GSG1L: variants seen among roughly 807,000 people sequenced by gnomAD.
GSG1L encodes the protein germ cell-specific gene 1-like protein.
Under a neutral mutation model 42.1 loss-of-function variants are expected in GSG1L, and 24 were observed. The observed-to-expected ratio is 0.57, with a 90% CI of 0.41 to 0.80. The LOEUF is 0.80. Among genes scored for constraint, GSG1L ranks in the 30% least tolerant of loss-of-function variants. The probability of loss-of-function intolerance (pLI) is 0.00; values close to 1 mark genes in which losing one functional copy is unlikely to be tolerated. For synonymous variants in GSG1L, 215 were observed against 203.5 expected, an observed-to-expected ratio of 1.06 and a Z score of -0.48; for missense variants, 445 against 472.2, an observed-to-expected ratio of 0.94 and a Z score of 0.53.
intron 2 of GSG1L, among the ~76,000 whole-genome samples, chr16:27,905,596 G>A (rs2084311631): frequency 6.6e-6 from 1 of 152,156 alleles, no homozygotes. Flanking sequence ...TTACAGACAT[G>A]AGCCAGCACC....
intron 2 of GSG1L, among the ~76,000 whole-genome samples, chr16:27,948,680 G>T (rs1224009154): frequency 1.3e-5 from 2 of 149,806 alleles, no homozygotes; most frequent in Non-Finnish European, 3.0e-5. Context: ...CTCAATCTTG[G>T]CTCATTGCAA....
chr16:27,936,396 T>C (rs2084718619), intron 2 of GSG1L, among the ~76,000 whole-genome samples: 1 of 152,166 alleles, frequency 6.6e-6, no homozygotes, highest in East Asian at 1.9e-4. Context: ...AGGGTGGAAG[T>C]GAGTTCTCAC....
rs557127459 is a variant in GSG1L at position 27,810,493 on chromosome 16, T to G, written c.831-2939A>C. ...TCAAAAAGTAAAAAAGATCAGGCAT[T>G]GAATAACACTACACAAGGACTGTCT... On this transcript the variant is annotated intron_variant, in intron 5 of 6. Transcript: ENST00000447459. Among the ~76,000 whole-genome samples the G allele has an allele frequency of 3.2e-4, 48 of 152,064 alleles. No individual in the cohort carries two copies. The South Asian group carries it at 9.6e-3, about 30-fold the overall frequency.
intron 2 of GSG1L, among the ~76,000 whole-genome samples, chr16:27,927,057 G>A (rs139311805): frequency 5.1e-4 from 77 of 152,154 alleles, no homozygotes; most frequent in Non-Finnish European, 9.3e-4. Flanking sequence ...CCCAGACTGT[G>A]GTAGCCTCCT....
At chr16:27,941,951 G>C (rs2084802777) in intron 2 of GSG1L, among the ~76,000 whole-genome samples, 1 of 152,104 alleles carries the variant, frequency 6.6e-6, no homozygotes, top group African/African-American at 2.4e-5. Context: ...TGGAAGGAGA[G>C]GCAGATGGGA....
At chr16:27,909,189 G>A (rs1007729996) in intron 2 of GSG1L, among the ~76,000 whole-genome samples, 2 of 152,084 alleles carry the variant, frequency 1.3e-5, no homozygotes, top group African/African-American at 4.8e-5. Context: ...CTATCCTGTC[G>A]CTATGGTGCT....
chr16:27,849,444 GC>G (rs2083482274), intron 3 of GSG1L, among the ~76,000 whole-genome samples: 1 of 152,176 alleles, frequency 6.6e-6, no homozygotes, highest in Non-Finnish European at 1.5e-5. Context: ...GAGGAGGTAA[GC>G]CCGGCTGACA....
At position 28,059,011 on chromosome 16, in the gene GSG1L, G is replaced by A. The variant is rs1033044913; in HGVS notation, c.349+4065C>T. ...GTGGGGGTGATGGCAGAGGCGGAGA[G>A]ATGGCTGCAGAAGTCCATGGGAGAC... On this transcript the variant is annotated intron_variant, in intron 1 of 6. Coordinates refer to ENST00000447459, the MANE Select transcript of GSG1L (RefSeq NM_001109763.2). This position sits in a 1 kb window ranked among gnomAD's most constrained non-coding sequence, Gnocchi z 4.4. Among the ~76,000 whole-genome samples, 3 of 152,216 alleles carry A rather than the reference G, an allele frequency of 2.0e-5. No homozygotes were observed. The highest frequency in any genetic ancestry group is 4.4e-5 in the Non-Finnish European group (3 of 68,046).
intron 2 of GSG1L, among the ~76,000 whole-genome samples, chr16:27,885,811 C>T (rs999959678): frequency 6.6e-6 from 1 of 152,198 alleles, no homozygotes; most frequent in African/African-American, 2.4e-5. Flanking sequence ...ACCTGCACTC[C>T]TGTCCTTCCA....
intron 1 of GSG1L, among the ~76,000 whole-genome samples, chr16:27,986,148 TACA>T (rs2085378552): frequency 6.6e-6 from 1 of 152,238 alleles, no homozygotes; most frequent in South Asian, 2.1e-4. Context: ...TGACAGTGTT[TACA>T]ACGAGAGTTA....
At chr16:27,893,388 G>C (rs1197801567) in intron 2 of GSG1L, among the ~76,000 whole-genome samples, 1 of 152,130 alleles carries the variant, frequency 6.6e-6, no homozygotes, top group South Asian at 2.1e-4. Flanking sequence ...TGTCTCGGCT[G>C]TGTGACATTG....
In GSG1L at chr16:28,026,296, A is replaced by AC. The variant is rs537571782; in HGVS notation, c.349+36779dup. Among the ~76,000 whole-genome samples, 224 of 152,260 alleles carry AC rather than the reference A, an allele frequency of 1.5e-3. 1 individual carries two copies. Among genetic ancestry groups the AC allele is most frequent in the African/African-American group, 5.1e-3 (213 of 41,554 alleles). On this transcript the variant is annotated intron_variant, in intron 1 of 6. Coordinates refer to ENST00000447459, the MANE Select transcript of GSG1L (RefSeq NM_001109763.2). ...ATGAACAGCAGCAAGCTTAAGAGGA[A>AC]CCAGGAGAGGAGCCCCTTGAGAAAT...
intron 2 of GSG1L, among the ~76,000 whole-genome samples, chr16:27,945,501 G>C (rs2084850927): frequency 6.6e-6 from 1 of 152,160 alleles, no homozygotes; most frequent in South Asian, 2.1e-4. Flanking sequence ...GCAAACGCGA[G>C]CGGAAGATCG....
intron 2 of GSG1L, among the ~76,000 whole-genome samples, chr16:27,925,374 C>CTGT (rs939852414): frequency 1.3e-5 from 2 of 151,994 alleles, no homozygotes; most frequent in African/African-American, 4.8e-5. Flanking sequence ...CCCCGGAAGG[C>CTGT]TGTGGTGTCA....
intron 1 of GSG1L, among the ~76,000 whole-genome samples, chr16:27,980,423 G>A (rs1567543430): frequency 6.6e-6 from 1 of 152,170 alleles, no homozygotes; most frequent in East Asian, 1.9e-4. Context: ...GGTCAACAGA[G>A]AGAGGCAGTA....
At chr16:28,039,632 T>C (rs1315566428) in intron 1 of GSG1L, among the ~76,000 whole-genome samples, 1 of 151,188 alleles carries the variant, frequency 6.6e-6, no homozygotes, top group Non-Finnish European at 1.5e-5. Flanking sequence ...GACATGTACG[T>C]GCGTGCACAC....
At chr16:27,904,603 A>T (rs2084298851) in intron 2 of GSG1L, among the ~76,000 whole-genome samples, 1 of 152,080 alleles carries the variant, frequency 6.6e-6, no homozygotes, top group African/African-American at 2.4e-5. Context: ...AGTGAAATCC[A>T]GGTTTCTTCC....
rs772865 is a variant in GSG1L at position 27,790,528 on chromosome 16, T to C, written c.*842A>G. ...TAAGCCCTGGGATTTTCTGTAAAGG[T>C]GGTGCTAGGCACAGGGTAAAGCCTC... On this transcript the variant is annotated 3_prime_UTR_variant, in exon 7 of 7. Transcript: ENST00000447459. 0.19 allele frequency: 28,425 copies of C among 152,264 alleles called. 3,356 individuals carry two copies. Among genetic ancestry groups the C allele is most frequent in the Admixed American group, 0.31 (4,763 of 15,286 alleles). The allele number at this position is 152,264 out of a possible 1,614,324, so 9.4% of individuals were successfully genotyped here.
chr16:27,943,805 G>A (rs972480665), intron 2 of GSG1L, among the ~76,000 whole-genome samples: 1 of 151,716 alleles, frequency 6.6e-6, no homozygotes, highest in African/African-American at 2.4e-5. Context: ...CAAACTCCTG[G>A]CCTCAATCCT....
Sources: gnomAD v4.1 joint callset for allele counts (sites outside exome capture counted in the v4.1 genomes callset) on GRCh38, gnomAD v4.1.1 for gene constraint, Gnocchi (gnomAD v3.1) non-coding constraint, MANE v1.5 for transcripts, NCBI Gene and HGNC (gene_info 2026-07-23, HGNC 2026-07-21) for gene names.